The following CDKAL1 variants were observed in gnomAD, a reference collection of about 807,000 sequenced individuals.
CDKAL1 encodes threonylcarbamoyladenosine tRNA methylthiotransferase.
Under a neutral mutation model 68.2 loss-of-function variants are expected in CDKAL1, and 32 were observed. That is an observed-to-expected ratio of 0.47 (90% CI 0.35 to 0.63). The LOEUF is 0.63. Ranked by LOEUF, CDKAL1 falls within the 30% of genes least tolerant of loss-of-function variation. The pLI, the probability that CDKAL1 is intolerant of heterozygous loss-of-function variation, is 0.00. For missense variants in CDKAL1, 606 were observed against 696.7 expected, an observed-to-expected ratio of 0.87 and a Z score of 1.47; for synonymous variants, 234 against 244.3, an observed-to-expected ratio of 0.96 and a Z score of 0.39.
At chr6:21,173,360 G>A (rs1242625390) in intron 13 of CDKAL1, among the ~76,000 whole-genome samples, 1 of 151,696 alleles carries the variant, frequency 6.6e-6, no homozygotes, top group African/African-American at 2.4e-5. Flanking sequence ...TTTTTCAATC[G>A]ACTTGTTTGG....
At position 20,986,206 on chromosome 6, in the gene CDKAL1, G is replaced by A. The variant is rs534680250; in HGVS notation, c.910-14021G>A. On this transcript the variant is annotated intron_variant, in intron 10 of 15. Coordinates refer to ENST00000274695, the MANE Select transcript of CDKAL1 (RefSeq NM_017774.3). ...TTCTTCCTTCGTTTTTGAGGAAATT[G>A]GGCTCAGACCTAATGATCTACTGTC... Among the ~76,000 whole-genome samples, 15 of 152,194 alleles carry A rather than the reference G, an allele frequency of 9.9e-5. No individual in the cohort carries two copies. In the South Asian group the frequency reaches 2.9e-3, roughly 29 times the overall value.
intron 4 of CDKAL1, among the ~76,000 whole-genome samples, chr6:20,574,770 C>T (rs773360447): frequency 6.6e-6 from 1 of 152,010 alleles, no homozygotes; most frequent in Non-Finnish European, 1.5e-5. Context: ...CATGAAATAG[C>T]TTCTGTTTTA....
intron 8 of CDKAL1, among the ~76,000 whole-genome samples, chr6:20,809,414 G>T (rs969959758): frequency 2.0e-5 from 3 of 152,038 alleles, no homozygotes; most frequent in Non-Finnish European, 2.9e-5. Context: ...AGCTGATTAG[G>T]TATCACTTTT....
intron 13 of CDKAL1, among the ~76,000 whole-genome samples, chr6:21,193,121 C>T (rs370311536): frequency 1.1e-4 from 16 of 152,210 alleles, no homozygotes; most frequent in African/African-American, 3.9e-4. Context: ...CACACCCAGC[C>T]AAGCTTTGTT....
At chr6:21,191,346 T>C (rs1778228938) in intron 13 of CDKAL1, among the ~76,000 whole-genome samples, 2 of 152,086 alleles carry the variant, frequency 1.3e-5, no homozygotes, top group Non-Finnish European at 2.9e-5. Context: ...CTGATGTTTT[T>C]CACAACTTCA....
chr6:20,843,917 T>A (rs2150490152), intron 8 of CDKAL1, among the ~76,000 whole-genome samples: 1 of 152,224 alleles, frequency 6.6e-6, no homozygotes, highest in South Asian at 2.1e-4. Flanking sequence ...ATGCCAGTCA[T>A]ACGTGGGAAT....
intron 5 of CDKAL1, among the ~76,000 whole-genome samples, chr6:20,668,838 C>T (rs1032942785): frequency 8.5e-5 from 13 of 152,162 alleles, no homozygotes; most frequent in African/African-American, 2.7e-4. Context: ...TCTTTTATGA[C>T]ATTGACGCTG....
chr6:21,138,257 A>G (rs370040886), intron 13 of CDKAL1, among the ~76,000 whole-genome samples: 1 of 128,790 alleles, frequency 7.8e-6, no homozygotes, highest in Non-Finnish European at 1.7e-5. Flanking sequence ...GTGTGTGTGT[A>G]TGCTGTATGT....
chr6:20,737,336 C>T (rs1773241635), intron 5 of CDKAL1, among the ~76,000 whole-genome samples: 1 of 152,224 alleles, frequency 6.6e-6, no homozygotes, highest in African/African-American at 2.4e-5. Context: ...TTTTATATTT[C>T]AAATATTATA....
intron 14 of CDKAL1, among the ~76,000 whole-genome samples, chr6:21,199,693 C>G (rs1562111029): frequency 1.3e-5 from 2 of 152,296 alleles, no homozygotes; most frequent in Non-Finnish European, 2.9e-5. Flanking sequence ...GGCAGCAGAT[C>G]AAGGAGGGTT....
chr6:20,680,838 A>T (rs1770343471), intron 5 of CDKAL1, among the ~76,000 whole-genome samples: 1 of 152,250 alleles, frequency 6.6e-6, no homozygotes, highest in South Asian at 2.1e-4. Context: ...CTGTTCAGCA[A>T]GGCAAGGAAT....
intron 5 of CDKAL1, among the ~76,000 whole-genome samples, chr6:20,720,128 TA>T (rs1466969728): frequency 3.3e-5 from 5 of 152,180 alleles, no homozygotes; most frequent in African/African-American, 1.2e-4. Flanking sequence ...CCTTATGGCA[TA>T]GGGAAGTTAC....
At chr6:21,125,098 A>G (rs1774928937) in intron 13 of CDKAL1, among the ~76,000 whole-genome samples, 1 of 152,044 alleles carries the variant, frequency 6.6e-6, no homozygotes. Flanking sequence ...TCCCCATCCA[A>G]AATCTCATCT....
chr6:20,765,921 G>T (rs1373281158), intron 7 of CDKAL1, among the ~76,000 whole-genome samples: 1 of 143,096 alleles, frequency 7.0e-6, no homozygotes, highest in African/African-American at 2.5e-5. Context: ...ATATGTAATA[G>T]ATGCTCTAGA....
chr6:20,676,949 T>C (rs186889991), intron 5 of CDKAL1, among the ~76,000 whole-genome samples: 45 of 152,300 alleles, frequency 3.0e-4, no homozygotes, highest in African/African-American at 8.9e-4. Context: ...TTGGAAAGTA[T>C]CTCCATCATT....
chr6:20,774,088 C>CTGG (rs1775066974), intron 7 of CDKAL1, among the ~76,000 whole-genome samples: 1 of 152,094 alleles, frequency 6.6e-6, no homozygotes, highest in African/African-American at 2.4e-5. Context: ...TGAGTCCTCT[C>CTGG]TGGTGGTAGT....
intron 4 of CDKAL1, among the ~76,000 whole-genome samples, chr6:20,596,670 A>G (rs1026699263): frequency 2.0e-5 from 3 of 152,124 alleles, no homozygotes; most frequent in Non-Finnish European, 4.4e-5. Flanking sequence ...AGGAGAGTGA[A>G]TGGTTCTTTC....
intron 6 of CDKAL1, among the ~76,000 whole-genome samples, chr6:20,755,844 A>C (rs186989423): frequency 7.9e-5 from 12 of 152,322 alleles, no homozygotes; most frequent in Non-Finnish European, 5.9e-5. Context: ...ATGTGTTCTT[A>C]GTCATCACTG....
chr6:20,664,690 G>A (rs189181816), intron 5 of CDKAL1, among the ~76,000 whole-genome samples: 1 of 151,980 alleles, frequency 6.6e-6, no homozygotes, highest in Non-Finnish European at 1.5e-5. Context: ...TTTTTTAAAA[G>A]GTAATTTTTA....
Sources: allele counts gnomAD v4.1 joint callset (sites outside exome capture counted in the v4.1 genomes callset), GRCh38; gene constraint gnomAD v4.1.1; transcripts MANE v1.5; gene names NCBI Gene and HGNC (gene_info 2026-07-23, HGNC 2026-07-21).